The following RGL1 variants were observed in gnomAD, a reference collection of about 807,000 sequenced individuals.
The protein encoded by RGL1 is ral guanine nucleotide dissociation stimulator-like 1.
A neutral mutation model predicts 95.2 loss-of-function variants in RGL1; 24 were observed. The observed-to-expected ratio is 0.25, with a 90% CI of 0.18 to 0.35. The LOEUF (loss-of-function observed/expected upper bound fraction) is 0.35. RGL1 is among the 10% of genes least tolerant of loss of function. The probability of loss-of-function intolerance (pLI) is 1.00; values close to 1 mark genes in which losing one functional copy is unlikely to be tolerated. For synonymous variants in RGL1, 329 were observed against 344.9 expected (o/e 0.95, Z 0.51); for missense variants, 715 against 936.3 (o/e 0.76, Z 3.08).
At chr1:183,722,040 G>A (rs1442152813) in intron 1 of RGL1, among the ~76,000 whole-genome samples, 4 of 152,244 alleles carry the variant, frequency 2.6e-5, no homozygotes, top group Non-Finnish European at 4.4e-5. Flanking sequence ...TTTGGAGTGA[G>A]GAAAGAAAGT....
At chr1:183,677,991 G>T (rs1475811692) in intron 1 of RGL1, among the ~76,000 whole-genome samples, 1 of 152,164 alleles carries the variant, frequency 6.6e-6, no homozygotes, top group Non-Finnish European at 1.5e-5. Flanking sequence ...ACTTCCATAT[G>T]TAATTCATCA....
intron 1 of RGL1, among the ~76,000 whole-genome samples, chr1:183,722,977 CA>C (rs1656097626): frequency 6.6e-6 from 1 of 152,056 alleles, no homozygotes; most frequent in Non-Finnish European, 1.5e-5. Flanking sequence ...CAACAAACAG[CA>C]GCAACAATAT....
chr1:183,692,512 T>C (rs1285972797), intron 1 of RGL1, among the ~76,000 whole-genome samples: 1 of 152,234 alleles, frequency 6.6e-6, no homozygotes, highest in Non-Finnish European at 1.5e-5. Context: ...GATTGAGTTT[T>C]CTAGGTTGCC....
intron 8 of RGL1, among the ~76,000 whole-genome samples, chr1:183,889,222 T>C (rs1328245396): frequency 1.3e-5 from 2 of 152,090 alleles, no homozygotes; most frequent in African/African-American, 4.8e-5. Flanking sequence ...TCAAAGAACT[T>C]TGTGCAAAGG....
At chr1:183,915,162 A>T (rs1217271130) in intron 15 of RGL1, among the ~76,000 whole-genome samples, 1 of 152,242 alleles carries the variant, frequency 6.6e-6, no homozygotes, top group Non-Finnish European at 1.5e-5. Flanking sequence ...AGGAAATAAG[A>T]TAATAGACTC....
chr1:183,675,405 A>AT (rs1291743886), intron 1 of RGL1, among the ~76,000 whole-genome samples: 12 of 116,902 alleles, frequency 1.0e-4, no homozygotes, highest in African/African-American at 2.7e-4. Flanking sequence ...ACCAACCTAC[A>AT]TTTTTTTTTC....
At chr1:183,691,902 A>G (rs908106746) in intron 1 of RGL1, among the ~76,000 whole-genome samples, 1 of 152,122 alleles carries the variant, frequency 6.6e-6, no homozygotes, top group African/African-American at 2.4e-5. Flanking sequence ...TATGAAAAAT[A>G]GACTATTCAA....
At chr1:183,678,993 G>A (rs1313381458) in intron 1 of RGL1, among the ~76,000 whole-genome samples, 1 of 152,204 alleles carries the variant, frequency 6.6e-6, no homozygotes, top group East Asian at 1.9e-4. Flanking sequence ...GGAGACGTGA[G>A]TACCAAAGTG....
intron 1 of RGL1, among the ~76,000 whole-genome samples, chr1:183,639,892 G>T (rs745394756): frequency 2.0e-5 from 3 of 151,448 alleles, no homozygotes; most frequent in Non-Finnish European, 4.4e-5. Flanking sequence ...CGCCAGGCTA[G>T]AGTGCAGTGG....
intron 1 of RGL1, among the ~76,000 whole-genome samples, chr1:183,657,445 TC>T (rs1558137592): frequency 1.3e-5 from 2 of 151,866 alleles, no homozygotes; most frequent in Non-Finnish European, 2.9e-5. Context: ...CCCCGCTCCC[TC>T]CACCCCACAA....
At chr1:183,821,317 T>G (rs1044780540) in intron 2 of RGL1, among the ~76,000 whole-genome samples, 1 of 152,124 alleles carries the variant, frequency 6.6e-6, no homozygotes, top group African/African-American at 2.4e-5. Context: ...GTCAGTTAGG[T>G]GGGCTAAAAA....
intron 15 of RGL1, among the ~76,000 whole-genome samples, 185 bp downstream of exon 15, chr1:183,912,453 C>T (rs1356053360): frequency 6.6e-6 from 1 of 152,146 alleles, no homozygotes; most frequent in African/African-American, 2.4e-5. Flanking sequence ...GGTGTAAAAG[C>T]ACTAAGCAGT....
chr1:183,701,794 G>A (rs987870572), intron 1 of RGL1, among the ~76,000 whole-genome samples: 9 of 152,004 alleles, frequency 5.9e-5, no homozygotes, highest in African/African-American at 7.3e-5. Flanking sequence ...AAAATTAGCC[G>A]GGCATAGTGG....
intron 1 of RGL1, among the ~76,000 whole-genome samples, chr1:183,645,605 G>A (rs1348265651): frequency 6.6e-6 from 1 of 152,148 alleles, no homozygotes; most frequent in Non-Finnish European, 1.5e-5. Context: ...CTCAATCCCC[G>A]GCCAGCCTGA....
At chr1:183,706,899 G>C (rs773842845) in intron 1 of RGL1, among the ~76,000 whole-genome samples, 6 of 152,236 alleles carry the variant, frequency 3.9e-5, no homozygotes, top group Non-Finnish European at 5.9e-5. Context: ...TGGATTGGGA[G>C]ATGAACTGAA....
At chr1:183,748,305 C>T (rs1279546778) in intron 2 of RGL1, among the ~76,000 whole-genome samples, 1 of 150,886 alleles carries the variant, frequency 6.6e-6, no homozygotes, top group African/African-American at 2.4e-5. Context: ...TTTTGTGTCT[C>T]TAACTCCTTG....
At chr1:183,920,956 C>A (rs1669278093) in intron 16 of RGL1, among the ~76,000 whole-genome samples, 1 of 152,198 alleles carries the variant, frequency 6.6e-6, no homozygotes, top group African/African-American at 2.4e-5. Context: ...AATGAGACTT[C>A]TGTATGTGTC....
chr1:183,835,650 G>A (rs1416518609), intron 2 of RGL1, among the ~76,000 whole-genome samples: 1 of 152,204 alleles, frequency 6.6e-6, no homozygotes, highest in Non-Finnish European at 1.5e-5. Context: ...GTCTTTAGGT[G>A]TTAAGGATTT....
intron 2 of RGL1, among the ~76,000 whole-genome samples, chr1:183,769,385 C>G (rs529688454): frequency 3.9e-5 from 6 of 152,168 alleles, no homozygotes; most frequent in Non-Finnish European, 7.3e-5. Context: ...AAAACCCAGA[C>G]AAAAATGTAT....
Sources: gnomAD v4.1 joint callset for allele counts (sites outside exome capture counted in the v4.1 genomes callset) on GRCh38, gnomAD v4.1.1 for gene constraint, MANE v1.5 for transcripts, NCBI Gene and HGNC (gene_info 2026-07-23, HGNC 2026-07-21) for gene names.